Variants in NFIA observed in about 807,000 individuals in gnomAD.
The protein encoded by NFIA is nuclear factor I A.
NFIA carries 8 observed loss-of-function variants against 62.8 expected under a neutral mutation model. That is an observed-to-expected ratio of 0.13 (90% confidence interval 0.07 to 0.23). The LOEUF is 0.23. NFIA is among the 10% of genes least tolerant of loss of function. The pLI is 1.00. For missense variants in NFIA, 410 were observed against 642.1 expected (o/e 0.64, Z 3.91); for synonymous variants, 235 against 238.1 (o/e 0.99, Z 0.12).
chr1:61,198,670 G>A (rs535023788), intron 2 of NFIA, among the ~76,000 whole-genome samples: 2 of 152,298 alleles, frequency 1.3e-5, no homozygotes, highest in Admixed American at 6.5e-5. Flanking sequence ...GGAAGGCAGT[G>A]CTGAATAGTG....
rs556367801 is a variant in NFIA at position 61,168,988 on chromosome 1, A to G, written c.559+80308A>G. Among the ~76,000 whole-genome samples, 3 of 152,278 alleles carry G rather than the reference A, an allele frequency of 2.0e-5. No homozygotes were observed. The South Asian group carries it at 6.2e-4, about 32-fold the overall frequency. The stretch of plus-strand genomic sequence containing the variant: ...TGCAGCTATATAAAACAAAGAACAA[A>G]CCTGTGAAACTTCTGCTCCTCCTAT... On this transcript the variant is annotated intron_variant, in intron 2 of 10. Coordinates refer to ENST00000403491, the MANE Select transcript of NFIA (RefSeq NM_001134673.4).
At chr1:61,325,932 CAAAA>C (rs36122626) in intron 3 of NFIA, among the ~76,000 whole-genome samples, 1 of 87,906 alleles carries the variant, frequency 1.1e-5, no homozygotes, top group East Asian at 3.7e-4. Flanking sequence ...GACTCTGTCT[CAAAA>C]AAAAAAAAAA....
intron 2 of NFIA, among the ~76,000 whole-genome samples, chr1:61,197,234 C>CTTTT (rs1002158986): frequency 1.3e-3 from 121 of 93,366 alleles, no homozygotes; most frequent in African/African-American, 2.3e-3. Context: ...TACTCTGGTT[C>CTTTT]TTTTTTTTTT....
At chr1:61,089,725 G>A (rs1050094842) in intron 2 of NFIA, among the ~76,000 whole-genome samples, 1 of 129,584 alleles carries the variant, frequency 7.7e-6, no homozygotes, top group African/African-American at 3.0e-5. Context: ...ACAAAGGAGA[G>A]ATGTTACCTG....
chr1:61,436,405 A>G (rs550772024), intron 10 of NFIA, among the ~76,000 whole-genome samples: 9 of 152,218 alleles, frequency 5.9e-5, no homozygotes, highest in African/African-American at 2.2e-4. Flanking sequence ...TGCTTGTGAA[A>G]ATCCTATGCC....
intron 2 of NFIA, among the ~76,000 whole-genome samples, chr1:61,250,417 A>G (rs558678143): frequency 2.0e-5 from 3 of 152,310 alleles, no homozygotes; most frequent in Non-Finnish European, 2.9e-5. Flanking sequence ...CCCAAGAGCA[A>G]TGTAAATGTT....
intron 4 of NFIA, among the ~76,000 whole-genome samples, chr1:61,333,047 G>GCACGCA (rs1432117803): frequency 6.9e-6 from 1 of 144,688 alleles, no homozygotes; most frequent in Admixed American, 7.0e-5. Flanking sequence ...TAGCATGCAC[G>GCACGCA]CACACACACA....
chr1:61,387,468 C>CTTTTTT (rs33965994), intron 7 of NFIA, among the ~76,000 whole-genome samples: 77 of 95,454 alleles, frequency 8.1e-4, no homozygotes, highest in African/African-American at 1.9e-3. Context: ...CAAGCACTTT[C>CTTTTTT]TTTTTTTTTT....
intron 2 of NFIA, among the ~76,000 whole-genome samples, chr1:61,109,880 C>CTATACTTG (rs1646666318): frequency 6.6e-6 from 1 of 151,972 alleles, no homozygotes; most frequent in South Asian, 2.1e-4. Context: ...GTAATTGAAT[C>CTATACTTG]TATACTGTGT....
At chr1:61,266,761 C>T (rs1657198454) in intron 2 of NFIA, among the ~76,000 whole-genome samples, 1 of 152,156 alleles carries the variant, frequency 6.6e-6, no homozygotes, top group African/African-American at 2.4e-5. Flanking sequence ...GTGTTAGTAT[C>T]TGTATGTTCC....
upstream of NFIA, among the ~76,000 whole-genome samples, chr1:61,080,461 A>C (rs1348212387): frequency 6.6e-6 from 1 of 152,166 alleles, no homozygotes; most frequent in East Asian, 1.9e-4. Context: ...CCGAGTACAC[A>C]CTCTGAACAA....
intron 2 of NFIA, among the ~76,000 whole-genome samples, chr1:61,238,530 A>C (rs17377253): frequency 2.0e-5 from 3 of 152,092 alleles, no homozygotes; most frequent in Admixed American, 6.6e-5. Context: ...TTGCAAGTCA[A>C]TGGAGAATTG....
intron 2 of NFIA, among the ~76,000 whole-genome samples, chr1:61,271,357 G>A (rs1317283814): frequency 6.6e-6 from 1 of 152,150 alleles, no homozygotes; most frequent in Non-Finnish European, 1.5e-5. Context: ...AAACAGATGG[G>A]CCCTGGAATA....
At chr1:61,367,583 C>T (rs11207730) in intron 6 of NFIA, among the ~76,000 whole-genome samples, 16,101 of 152,140 alleles carry the variant, frequency 0.11, 1,076 homozygotes, top group Non-Finnish European at 0.14. Flanking sequence ...CTCTTCTTTA[C>T]GAACCCTTCT....
chr1:61,377,467 G>C (rs1267007254), intron 6 of NFIA, among the ~76,000 whole-genome samples: 1 of 152,100 alleles, frequency 6.6e-6, no homozygotes, highest in Non-Finnish European at 1.5e-5. Context: ...GGTAATAACA[G>C]TTATAAAAAT....
In NFIA at chr1:61,462,193, T is replaced by TA. The variant is rs759783566; in HGVS notation, c.*6873_*6874insA. The TA allele has an allele frequency of 6.6e-6, 1 of 152,130 alleles. No individual in the cohort carries two copies. Among genetic ancestry groups the TA allele is most frequent in the Non-Finnish European group, 1.5e-5 (1 of 67,988 alleles). The allele number at this position is 152,130 out of a possible 1,614,324, so 9.4% of individuals were successfully genotyped here. ...CATCGTCTCTGCACTGCGAAGGCAT[T>TA]TGGTAGCCTCGCCACTGAGATACTA... On this transcript the variant is annotated 3_prime_UTR_variant, in exon 11 of 11. Transcript: ENST00000403491.
intron 2 of NFIA, among the ~76,000 whole-genome samples, chr1:61,114,814 A>T (rs1355198145): frequency 1.3e-5 from 2 of 152,162 alleles, no homozygotes; most frequent in African/African-American, 4.8e-5. Context: ...TGCCTTCAAG[A>T]CACTAGAAAA....
chr1:61,129,326 T>TA (rs929014421), intron 2 of NFIA, among the ~76,000 whole-genome samples: 2 of 152,250 alleles, frequency 1.3e-5, no homozygotes. Flanking sequence ...ATTATGTGTA[T>TA]ATCAGCCATT....
intron 10 of NFIA, among the ~76,000 whole-genome samples, chr1:61,437,717 A>G (rs1667393785): frequency 6.6e-6 from 1 of 152,204 alleles, no homozygotes; most frequent in South Asian, 2.1e-4. Context: ...GAGCTCATGG[A>G]AGATATGCCA....
Sources: allele counts gnomAD v4.1 joint callset (sites outside exome capture counted in the v4.1 genomes callset), GRCh38; gene constraint gnomAD v4.1.1; transcripts MANE v1.5; gene names NCBI Gene and HGNC (gene_info 2026-07-23, HGNC 2026-07-21).